CNTN4: variants seen among roughly 807,000 people sequenced by gnomAD.
CNTN4 encodes the protein contactin-4.
A neutral mutation model predicts 122.5 loss-of-function variants in CNTN4; 77 were observed. The observed-to-expected ratio is 0.63, with a 90% CI of 0.52 to 0.76. The LOEUF is 0.76. Ranked by LOEUF, CNTN4 falls within the 30% of genes least tolerant of loss-of-function variation. CNTN4 has a pLI of 0.00. For missense variants in CNTN4, 1,256 were observed against 1,259.1 expected, an observed-to-expected ratio of 1.00 and a Z score of 0.04; for synonymous variants, 512 against 447.0, an observed-to-expected ratio of 1.15 and a Z score of -1.83.
At chr3:2,851,171 G>A (rs1011434673) in intron 7 of CNTN4, among the ~76,000 whole-genome samples, 1 of 152,184 alleles carries the variant, frequency 6.6e-6, no homozygotes, top group Non-Finnish European at 1.5e-5. Context: ...TTTCTATGGC[G>A]AATATACAGT....
At chr3:3,004,853 G>A (rs1318351317) in intron 14 of CNTN4, among the ~76,000 whole-genome samples, 1 of 152,154 alleles carries the variant, frequency 6.6e-6, no homozygotes, top group Non-Finnish European at 1.5e-5. Flanking sequence ...GACCCACTGG[G>A]GCAGTGGTCC....
At chr3:2,499,020 C>T (rs1003180496) in intron 3 of CNTN4, among the ~76,000 whole-genome samples, 4 of 151,988 alleles carry the variant, frequency 2.6e-5, no homozygotes, top group Non-Finnish European at 5.9e-5. Flanking sequence ...GAACTCCTGA[C>T]CTCAAGTGTT....
At chr3:2,984,345 C>T (rs1257557406) in intron 13 of CNTN4, among the ~76,000 whole-genome samples, 5 of 152,188 alleles carry the variant, frequency 3.3e-5, no homozygotes. Context: ...ACCAGCAGTT[C>T]TCAAATGGGG....
At chr3:2,273,707 T>A (rs1044306888) in intron 2 of CNTN4, among the ~76,000 whole-genome samples, 3 of 152,190 alleles carry the variant, frequency 2.0e-5, no homozygotes, top group Non-Finnish European at 4.4e-5. Context: ...ACTATTTTCC[T>A]CTTAATGCAG....
chr3:2,660,491 G>A (rs1269740340), intron 4 of CNTN4, among the ~76,000 whole-genome samples: 1 of 152,126 alleles, frequency 6.6e-6, no homozygotes, highest in Non-Finnish European at 1.5e-5. Flanking sequence ...TTGTCTGTTA[G>A]ACAAGTTCTG....
intron 2 of CNTN4, among the ~76,000 whole-genome samples, chr3:2,321,262 C>G (rs1018853652): frequency 6.6e-6 from 1 of 152,124 alleles, no homozygotes; most frequent in African/African-American, 2.4e-5. Context: ...TGGTAAAAAA[C>G]TTCAACTCAG....
In CNTN4 at chr3:2,797,939, TA is replaced by T. The variant is rs1249076647; in HGVS notation, c.359-21546del. Among the ~76,000 whole-genome samples, 13 of 139,698 alleles carry T rather than the reference TA, an allele frequency of 9.3e-5. No homozygotes were observed. The South Asian group carries it at 1.5e-3, about 16-fold the overall frequency. 91.6% of individuals were successfully genotyped at this position (139,698 alleles called of 152,430 possible). ...CTGAGTATTTTTTTTTTTTTTTTGG[TA>T]TAAATTTAGAAGGTAAAAGTGCAAT... On this transcript the variant is annotated intron_variant, in intron 6 of 24. Coordinates refer to ENST00000418658, the MANE Select transcript of CNTN4 (RefSeq NM_175607.3).
At chr3:2,836,842 C>A (rs574941527) in intron 7 of CNTN4, among the ~76,000 whole-genome samples, 1 of 152,072 alleles carries the variant, frequency 6.6e-6, no homozygotes, top group African/African-American at 2.4e-5. Flanking sequence ...GTGCAGCAAA[C>A]CATCATGGCA....
rs932803668 is a variant in CNTN4 at position 3,056,421 on chromosome 3, T to C, written c.*201T>C. 35 of 557,532 alleles carry C rather than the reference T, an allele frequency of 6.3e-5. No individual in the cohort carries two copies. Among genetic ancestry groups the C allele is most frequent in the African/African-American group, 6.0e-4 (32 of 53,222 alleles). The allele number at this position is 557,532 out of a possible 1,614,324, so 34.5% of individuals were successfully genotyped here. Reference sequence around the variant, plus strand: ...CTTTGTCTGAAGTTTCTTTGGAAACTCTGCAATGCACTGAAGACATCTGTA... The same window carrying C: ...CTTTGTCTGAAGTTTCTTTGGAAACCCTGCAATGCACTGAAGACATCTGTA... On this transcript the variant is annotated 3_prime_UTR_variant, in exon 25 of 25. Transcript: ENST00000418658.
At chr3:2,342,102 C>G (rs2044231872) in intron 3 of CNTN4, among the ~76,000 whole-genome samples, 2 of 152,190 alleles carry the variant, frequency 1.3e-5, no homozygotes. Flanking sequence ...TATCCATCAA[C>G]TAAGTAAAAA....
chr3:2,167,158 A>C (rs963924470), intron 2 of CNTN4, among the ~76,000 whole-genome samples: 1 of 152,194 alleles, frequency 6.6e-6, no homozygotes, highest in Admixed American at 6.5e-5. Flanking sequence ...AAGAAGGATA[A>C]ACCAATTCCA....
At chr3:2,222,109 A>G (rs760719461) in intron 2 of CNTN4, among the ~76,000 whole-genome samples, 4 of 152,196 alleles carry the variant, frequency 2.6e-5, no homozygotes, top group African/African-American at 4.8e-5. Context: ...GAATGTTTAT[A>G]ACAGCATGAT....
intron 2 of CNTN4, among the ~76,000 whole-genome samples, chr3:2,307,463 C>T (rs562354347): frequency 6.6e-6 from 1 of 151,736 alleles, no homozygotes; most frequent in Admixed American, 6.6e-5. Context: ...AGCAAGACAA[C>T]CATTCTTGTC....
chr3:2,552,912 A>T (rs78039880), intron 3 of CNTN4, among the ~76,000 whole-genome samples: 1 of 152,242 alleles, frequency 6.6e-6, no homozygotes, highest in African/African-American at 2.4e-5. Flanking sequence ...AAGTGTGTTG[A>T]GTAGGCACCC....
rs144061019 is a variant in CNTN4, at chr3:2,133,868, T to C, written c.-145+33229T>C. Among the ~76,000 whole-genome samples, 521 of 152,324 alleles carry C rather than the reference T, an allele frequency of 3.4e-3. 2 individuals carry two copies. The highest frequency in any genetic ancestry group is 0.012 in the African/African-American group (480 of 41,576). On this transcript the variant is annotated intron_variant, in intron 2 of 24. Transcript: ENST00000418658. Reference sequence around the variant, plus strand: ...CAATCTTTTGATTTATTAAGAGTCATTTTCCAGAATTAGATTTAAAGCTCT... The same window carrying C: ...CAATCTTTTGATTTATTAAGAGTCACTTTCCAGAATTAGATTTAAAGCTCT...
chr3:2,422,269 C>T (rs906746040), intron 3 of CNTN4, among the ~76,000 whole-genome samples: 12 of 152,188 alleles, frequency 7.9e-5, no homozygotes, highest in African/African-American at 2.7e-4. Context: ...AGGAACTCTC[C>T]TTCCCCCTCT....
rs1255958478 is a variant in CNTN4, at chr3:2,204,276, T to C, written c.-145+103637T>C. On this transcript the variant is annotated intron_variant, in intron 2 of 24. Transcript: ENST00000418658. Reference sequence around the variant, plus strand: ...ACTCAGCAAGAATTGCATACATCTTTTTAATTATTCCCAAACATTCAATAC... The same window carrying C: ...ACTCAGCAAGAATTGCATACATCTTCTTAATTATTCCCAAACATTCAATAC... Among the ~76,000 whole-genome samples, 3 of 152,318 alleles carry C rather than the reference T, an allele frequency of 2.0e-5. No homozygotes were observed. In the East Asian group the frequency reaches 5.8e-4, roughly 29 times the overall value.
chr3:2,206,519 TAAG>T (rs201503144), intron 2 of CNTN4, among the ~76,000 whole-genome samples: 3,384 of 148,060 alleles, frequency 0.023, 44 homozygotes, highest in Middle Eastern at 0.052. Flanking sequence ...CTGAAAAAAA[TAAG>T]AAGACATATT....
chr3:2,137,194 T>C (rs2034736430), intron 2 of CNTN4, among the ~76,000 whole-genome samples: 1 of 152,148 alleles, frequency 6.6e-6, no homozygotes, highest in South Asian at 2.1e-4. Flanking sequence ...TAGACTGAGG[T>C]CATCTAGCTG....
Sources: gnomAD v4.1 joint callset for allele counts (sites outside exome capture counted in the v4.1 genomes callset) on GRCh38, gnomAD v4.1.1 for gene constraint, MANE v1.5 for transcripts, NCBI Gene and HGNC (gene_info 2026-07-23, HGNC 2026-07-21) for gene names.